The following RNF144A variants were observed in gnomAD, a reference collection of about 807,000 sequenced individuals.
RNF144A encodes the protein ring finger protein 144A.
In RNF144A, 11 loss-of-function variants were observed where a neutral mutation model predicts 38.7. That is an observed-to-expected ratio of 0.28 (90% confidence interval 0.18 to 0.47). The LOEUF is 0.47. Ranked by LOEUF, RNF144A falls within the 20% of genes least tolerant of loss-of-function variation. The pLI, the probability that RNF144A is intolerant of heterozygous loss-of-function variation, is 0.99. For synonymous variants in RNF144A, 149 were observed against 143.9 expected (o/e 1.04, Z -0.25); for missense variants, 316 against 377.2 (o/e 0.84, Z 1.34).
At chr2:6,930,679 T>C (rs1665151267) in intron 1 of RNF144A, among the ~76,000 whole-genome samples, 1 of 152,090 alleles carries the variant, frequency 6.6e-6, no homozygotes, top group Non-Finnish European at 1.5e-5. Flanking sequence ...ACAGCTTTGA[T>C]CTCTGGGGCT....
chr2:7,038,826 G>A (rs759413962), intron 8 of RNF144A, among the ~76,000 whole-genome samples: 2 of 151,372 alleles, frequency 1.3e-5, no homozygotes, highest in Non-Finnish European at 3.0e-5. Flanking sequence ...GGGTGGATAG[G>A]TGGATGAATA....
intron 6 of RNF144A, among the ~76,000 whole-genome samples, chr2:7,055,044 C>T (rs1292129547): frequency 6.6e-6 from 1 of 152,194 alleles, no homozygotes; most frequent in Non-Finnish European, 1.5e-5. Flanking sequence ...GGCTTCTCAT[C>T]AGCATTGACA....
At chr2:6,956,576 T>G in intron 2 of RNF144A, among the ~76,000 whole-genome samples, 1 of 152,232 alleles carries the variant, frequency 6.6e-6, no homozygotes, top group East Asian at 1.9e-4. Context: ...GTCTCATGAA[T>G]TTAATTTGCA....
chr2:6,984,439 A>G (rs1668827921), intron 2 of RNF144A, among the ~76,000 whole-genome samples: 1 of 151,980 alleles, frequency 6.6e-6, no homozygotes, highest in Admixed American at 6.6e-5. Context: ...AGTAGCTGGG[A>G]TTACAGGCTC....
At position 7,014,572 on chromosome 2, in the gene RNF144A, A is replaced by G; in HGVS notation, c.240+14A>G. On this transcript the variant is annotated intron_variant, in intron 4 of 8. Transcript: ENST00000320892. ...CAGGAGAACGAGGCATGTGCAATTG[A>G]ACAGACTGGGCTGTTTGATGTGCAC... 1.3e-6 allele frequency: 2 copies of G among 1,584,068 alleles called. No homozygotes were observed. Among genetic ancestry groups the G allele is most frequent in the Non-Finnish European group, 1.7e-6 (2 of 1,160,636 alleles).
chr2:7,075,827 G>T, the RNF144A span, among the ~76,000 whole-genome samples: 3 of 152,316 alleles, frequency 2.0e-5, no homozygotes, highest in Admixed American at 2.0e-4. Flanking sequence ...CAGTTGCAAA[G>T]GTTGCTCAAG....
chr2:6,923,178 C>T (rs1187932654), intron 1 of RNF144A, among the ~76,000 whole-genome samples: 2 of 152,250 alleles, frequency 1.3e-5, no homozygotes, highest in Non-Finnish European at 2.9e-5. Context: ...AGCGCTTCCT[C>T]ATGTCCCCAT....
chr2:7,073,865 C>T, the RNF144A span, among the ~76,000 whole-genome samples: 1 of 152,354 alleles, frequency 6.6e-6, no homozygotes, highest in Admixed American at 6.5e-5. Flanking sequence ...TCTGTGCAGC[C>T]TGCAAGGGCA....
At chr2:7,033,681 C>T (rs1302668881) in intron 8 of RNF144A, among the ~76,000 whole-genome samples, 1 of 152,182 alleles carries the variant, frequency 6.6e-6, no homozygotes, top group Non-Finnish European at 1.5e-5. Context: ...GACTGTCATC[C>T]AAGAAGAGCC....
chr2:6,940,522 A>G (rs1665896993), intron 1 of RNF144A, among the ~76,000 whole-genome samples: 1 of 151,360 alleles, frequency 6.6e-6, no homozygotes, highest in Non-Finnish European at 1.5e-5. Flanking sequence ...CTTTTTTTTC[A>G]TTAGTTTATT....
the RNF144A span, among the ~76,000 whole-genome samples, chr2:7,075,024 A>G: frequency 6.6e-6 from 1 of 152,206 alleles, no homozygotes; most frequent in Non-Finnish European, 1.5e-5. Flanking sequence ...TCCAGGTACA[A>G]TTGCTACTAA....
At chr2:6,998,930 T>G (rs973187568) in intron 3 of RNF144A, among the ~76,000 whole-genome samples, 4 of 152,248 alleles carry the variant, frequency 2.6e-5, no homozygotes, top group African/African-American at 9.6e-5. Flanking sequence ...GTCTCTGCAG[T>G]CGCCTGCCTG....
rs1490718447 is a variant in RNF144A at position 7,040,721 on chromosome 2, C to T, written c.*961C>T. The T allele has an allele frequency of 2.4e-5, 24 of 985,356 alleles. No individual in the cohort carries two copies. In the South Asian group the frequency reaches 1.1e-3, roughly 44 times the overall value. 61.0% of individuals were successfully genotyped at this position (985,356 alleles called of 1,614,324 possible). A position where few individuals can be genotyped will look rare whatever the true frequency, so the allele number is the denominator to read the frequency against. On this transcript the variant is annotated 3_prime_UTR_variant, in exon 9 of 9. Coordinates refer to ENST00000320892, the MANE Select transcript of RNF144A (RefSeq NM_014746.6). ...GTAAGAAGAAAGCAGCCTCATTGAT[C>T]CGCAGATGTAGGGGCCTCTTGGCAG...
At chr2:6,992,309 A>G (rs1192778777) in intron 2 of RNF144A, among the ~76,000 whole-genome samples, 2 of 152,300 alleles carry the variant, frequency 1.3e-5, no homozygotes, top group Middle Eastern at 3.4e-3. Context: ...TTGGAGCCCA[A>G]CCAGTTACAT....
At chr2:7,044,479 A>G (rs1466401345), downstream of RNF144A, among the ~76,000 whole-genome samples, 1 of 152,202 alleles carries the variant, frequency 6.6e-6, no homozygotes, top group East Asian at 1.9e-4. Flanking sequence ...TGTGGTGCCC[A>G]ACCGGTACTG....
intron 2 of RNF144A, among the ~76,000 whole-genome samples, chr2:6,971,265 A>G (rs777588358): frequency 9.9e-5 from 15 of 151,878 alleles, no homozygotes; most frequent in Non-Finnish European, 2.1e-4. Flanking sequence ...ATATTCCTTC[A>G]GTTGTCTGGT....
chr2:7,021,979 G>A (rs1671563344), intron 6 of RNF144A, among the ~76,000 whole-genome samples: 1 of 152,234 alleles, frequency 6.6e-6, no homozygotes, highest in African/African-American at 2.4e-5. Context: ...TCATTTTGTG[G>A]AAATTTTTAA....
chr2:6,991,647 T>C (rs185490311), intron 2 of RNF144A, among the ~76,000 whole-genome samples: 1 of 152,268 alleles, frequency 6.6e-6, no homozygotes, highest in East Asian at 1.9e-4. Context: ...TACTCATTGG[T>C]AAAATTTGAA....
intron 6 of RNF144A, among the ~76,000 whole-genome samples, chr2:7,023,393 C>T (rs1420813008): frequency 2.6e-5 from 4 of 152,106 alleles, no homozygotes; most frequent in South Asian, 2.1e-4. Context: ...GCTCAACTGC[C>T]GTGAATATAT....
Sources: allele counts gnomAD v4.1 joint callset (sites outside exome capture counted in the v4.1 genomes callset), GRCh38; gene constraint gnomAD v4.1.1; transcripts MANE v1.5; gene names NCBI Gene and HGNC (gene_info 2026-07-23, HGNC 2026-07-21).